The following ROGDI variants were observed in gnomAD, a reference collection of about 807,000 sequenced individuals.
ROGDI encodes the protein protein rogdi homolog.
In ROGDI, 46 loss-of-function variants were observed where a neutral mutation model predicts 43.1. The ratio of observed to expected loss-of-function variants is 1.07; its 90% CI spans 0.84 to 1.37. ROGDI has a LOEUF of 1.37. Ranked by LOEUF, ROGDI falls within the 40% of genes most tolerant of loss-of-function variation. ROGDI has a pLI of 0.00. For missense variants in ROGDI, 518 were observed against 383.9 expected, an observed-to-expected ratio of 1.35 and a Z score of -2.92; for synonymous variants, 243 against 162.0, an observed-to-expected ratio of 1.50 and a Z score of -3.80.
Position 4,800,570 on chromosome 16 carries a change from G to C in ROGDI, c.264C>G (p.Asn88Lys). The C allele has an allele frequency of 6.4e-7, 1 of 1,567,110 alleles. No individual in the cohort carries two copies. Residue 88 changes from asparagine to lysine, a missense_variant, in exon 5 of 11, where the codon AAC (asparagine) becomes AAG (lysine). Coordinates refer to ENST00000322048, the MANE Select transcript of ROGDI (RefSeq NM_024589.3). ...QGDALSQADVNLKMPRNNQLL... is the reference protein window; with the variant it reads ...QGDALSQADVKLKMPRNNQLL... ...GCTGGTTGTTCCGGGGCATCTTCAGGTTCACATCCTGACAGGCAAGAGTGG... is the reference window on the plus strand; with the variant it reads ...GCTGGTTGTTCCGGGGCATCTTCAGCTTCACATCCTGACAGGCAAGAGTGG...
chr16:4,799,178 G>C (rs986659536), intron 6 of ROGDI, among the ~76,000 whole-genome samples: 2 of 152,158 alleles, frequency 1.3e-5, no homozygotes, highest in Admixed American at 6.5e-5. Context: ...CCATTCAGCC[G>C]TGGCCATGAG....
In ROGDI at chr16:4,797,207, C is replaced by A. The variant is rs1419762030; in HGVS notation, c.*253G>T. Reference sequence around the variant, plus strand: ...TGAGTCCAAAGATTCCCATGGTGATCAGAGGGCGGTGTTGGGAATGTGGGA... The same window carrying A: ...TGAGTCCAAAGATTCCCATGGTGATAAGAGGGCGGTGTTGGGAATGTGGGA... On this transcript the variant is annotated 3_prime_UTR_variant, in exon 11 of 11. Transcript: ENST00000322048. 4.3e-6 allele frequency: 2 copies of A among 465,066 alleles called. No individual in the cohort carries two copies. Among genetic ancestry groups the A allele is most frequent in the Non-Finnish European group, 7.8e-6 (2 of 257,448 alleles). The allele number at this position is 465,066 out of a possible 1,614,324, so 28.8% of individuals were successfully genotyped here.
rs989098336 is a variant in ROGDI, at chr16:4,798,223, C to T, written c.532-39G>A. On this transcript the variant is annotated intron_variant, in intron 7 of 10. Coordinates refer to ENST00000322048, the MANE Select transcript of ROGDI (RefSeq NM_024589.3). ...GTGGGATGAGGCCCTCGCAAGCCCCCAGCCCAGGCTGGATGGAGCGGGGCT... is the reference window on the plus strand; with the variant it reads ...GTGGGATGAGGCCCTCGCAAGCCCCTAGCCCAGGCTGGATGGAGCGGGGCT... The T allele has an allele frequency of 5.2e-6, 8 of 1,551,382 alleles. No homozygotes were observed. In the South Asian group the frequency reaches 6.8e-5, roughly 13 times the overall value.
chr16:4,799,889 T>A, intron 5 of ROGDI, 108 bp from the exon 6 acceptor site: 1 of 781,184 alleles, frequency 1.3e-6, no homozygotes, highest in Non-Finnish European at 2.1e-6. Flanking sequence ...CACACTGTCA[T>A]CCCTGTGCCC....
chr16:4,802,509 C>T lies in ROGDI; in HGVS notation c.45+18G>A, dbSNP rs1219479644. 4 of 1,211,918 alleles carry T rather than the reference C, an allele frequency of 3.3e-6. No individual in the cohort carries two copies. Among genetic ancestry groups the T allele is most frequent in the Non-Finnish European group, 4.1e-6 (4 of 977,920 alleles). The allele number at this position is 1,211,918 out of a possible 1,614,324, so 75.1% of individuals were successfully genotyped here. On this transcript the variant is annotated intron_variant, in intron 1 of 10. Transcript: ENST00000322048. ...CCCCGCCGCCCCGCCGGCCCGCCCG[C>T]TGGCCCGCGCGCCTTACCAGCACCG...
At position 4,802,612 on chromosome 16, in the gene ROGDI, G is replaced by T. The variant is rs776479069; in HGVS notation, c.-41C>A. On this transcript the variant is annotated 5_prime_UTR_variant, in exon 1 of 11. Transcript: ENST00000322048. ...CCGAGCGCCCTCCCCACCGGCCGCT[G>T]CTCCTGTCCACCAATCTTTCTGTCC... 1.5e-5 allele frequency: 19 copies of T among 1,292,160 alleles called. No homozygotes were observed. The African/African-American group carries it at 2.8e-4, about 19-fold the overall frequency. 80.0% of individuals were successfully genotyped at this position (1,292,160 alleles called of 1,614,324 possible). A position where few individuals can be genotyped will look rare whatever the true frequency, so the allele number is the denominator to read the frequency against.
rs369171785 is a variant in ROGDI at position 4,797,542 on chromosome 16, G to T, written c.823-41C>A. On this transcript the variant is annotated intron_variant, in intron 10 of 10. Coordinates refer to ENST00000322048, the MANE Select transcript of ROGDI (RefSeq NM_024589.3). ...GTGCTGTAGGTTGCTGAAGGGGGAT[G>T]GGGTAGCCCAGGGGAGATGTCAAGG... 1.2e-5 allele frequency: 19 copies of T among 1,598,982 alleles called. No individual in the cohort carries two copies. In the African/African-American group the frequency reaches 2.3e-4, roughly 19 times the overall value.
rs557146424 is a variant in ROGDI at position 4,802,174 on chromosome 16, T to A, written c.117+208A>T. The A allele has an allele frequency of 6.1e-5, 40 of 650,728 alleles. No homozygotes were observed. The South Asian group carries it at 6.2e-4, about 10-fold the overall frequency. The allele number at this position is 650,728 out of a possible 1,614,324, so 40.3% of individuals were successfully genotyped here. On this transcript the variant is annotated intron_variant, in intron 2 of 10. Transcript: ENST00000322048. ...GGCCGGGCGGGACTCAGGCCCTTGC[T>A]AGCACCCTCGTCGGGACCCGCCCCT...
At chr16:4,799,615 T>C in intron 6 of ROGDI, 71 bp downstream of exon 6, 5 of 1,176,552 alleles carry the variant, frequency 4.2e-6, no homozygotes, top group Non-Finnish European at 6.2e-6. Flanking sequence ...GCCCTGGGAT[T>C]GGAACCCAGG....
Position 4,797,922 on chromosome 16 carries a change from G to A in ROGDI, c.695+16C>T, listed in dbSNP as rs377688304. ...TGGGGTGGGCGTGCCTGGACCCCCC[G>A]CCCCTGCCTACTTACAACATGGCCC... On this transcript the variant is annotated intron_variant, in intron 9 of 10. Transcript: ENST00000322048. 287 of 1,597,958 alleles carry A rather than the reference G, an allele frequency of 1.8e-4. No homozygotes were observed. The highest frequency in any genetic ancestry group is 2.3e-4 in the Non-Finnish European group (268 of 1,169,962).
At chr16:4,799,604 G>A (rs758438865) in intron 6 of ROGDI, 82 bp downstream of exon 6, 1 of 997,672 alleles carries the variant, frequency 1.0e-6, no homozygotes, top group South Asian at 1.4e-5. Context: ...TCAACGTGGA[G>A]GCCCTGGGAT....
intron 3 of ROGDI, 53 bp from the exon 4 acceptor site, chr16:4,801,374 C>G: frequency 6.3e-7 from 1 of 1,580,398 alleles, no homozygotes. Flanking sequence ...CACCACCCAG[C>G]CCTCCCTCCC....
At chr16:4,799,565 G>C in intron 6 of ROGDI, 121 bp downstream of exon 6, 1 of 635,404 alleles carries the variant, frequency 1.6e-6, no homozygotes, top group South Asian at 2.0e-5. Flanking sequence ...ACACAGAGTC[G>C]GCAGGTAAGT....
At chr16:4,801,103 C>A in intron 4 of ROGDI, 164 bp downstream of exon 4, 1 of 580,496 alleles carries the variant, frequency 1.7e-6, no homozygotes, top group Non-Finnish European at 3.0e-6. Context: ...ACACCGATCC[C>A]GGGAGAAGGT....
At position 4,797,738 on chromosome 16, in the gene ROGDI, C is replaced by T. The variant is rs1157020326; in HGVS notation, c.798G>A (p.Gln266=). 7.1e-7 allele frequency: 1 copy of T among 1,409,618 alleles called. No individual in the cohort carries two copies. 87.3% of individuals were successfully genotyped at this position (1,409,618 alleles called of 1,614,324 possible). A position where few individuals can be genotyped will look rare whatever the true frequency, so the allele number is the denominator to read the frequency against. ...CCTTGTCCTTGAGCTGCTGGCAGAG[C>T]TGCAGGGAGACGGTGAAGTAGACCA... is the stretch of plus-strand genomic sequence containing the variant. ...DALVYFTVSL[Q]LCQQLKDKIS... Residue 266 remains glutamine, a synonymous_variant, in exon 10 of 11, where the codon CAG becomes CAA. Coordinates refer to ENST00000322048, the MANE Select transcript of ROGDI (RefSeq NM_024589.3).
chr16:4,798,510 C>A (rs2082681516), intron 7 of ROGDI, 59 bp downstream of exon 7: 2 of 1,347,172 alleles, frequency 1.5e-6, no homozygotes, highest in East Asian at 5.0e-5. Context: ...ATCCTGAGGG[C>A]AAGCTGGGAC....
chr16:4,798,039 G>A lies in ROGDI; in HGVS notation c.645+32C>T, dbSNP rs775828215. 8.7e-6 allele frequency: 14 copies of A among 1,613,388 alleles called. No individual in the cohort carries two copies. In the South Asian group the frequency reaches 1.1e-4, roughly 13 times the overall value. ...AGGCCTTGCAGGGCGTGTGCATGGC[G>A]GGCAGTGGGCCGGGCAGGGGTCCCT... On this transcript the variant is annotated intron_variant, in intron 8 of 10. Transcript: ENST00000322048.
chr16:4,801,916 G>A (rs934829005), intron 2 of ROGDI: 6 of 559,674 alleles, frequency 1.1e-5, no homozygotes, highest in African/African-American at 9.3e-5. Flanking sequence ...ATGGTAACCC[G>A]CGGTCCTGGG....
At chr16:4,801,431 G>C (rs759772032) in intron 3 of ROGDI, 72 bp downstream of exon 3, 44 of 1,564,870 alleles carry the variant, frequency 2.8e-5, no homozygotes, top group Non-Finnish European at 3.8e-5. Context: ...TGGTCTGCAG[G>C]ACAGGGCTAT....
Sources: allele counts gnomAD v4.1 joint callset (sites outside exome capture counted in the v4.1 genomes callset), GRCh38; gene constraint gnomAD v4.1.1; transcripts MANE v1.5; gene names NCBI Gene and HGNC (gene_info 2026-07-23, HGNC 2026-07-21).